The following GNG4 variants were observed in gnomAD, a reference collection of about 807,000 sequenced individuals.
The protein encoded by GNG4 is G protein subunit gamma 4.
In GNG4, 4 loss-of-function variants were observed where a neutral mutation model predicts 5.8. The observed-to-expected ratio is 0.69, with a 90% CI of 0.34 to 1.57. The LOEUF is 1.57. Ranked by LOEUF, GNG4 falls within the 40% of genes most tolerant of loss-of-function variation. GNG4 has a pLI of 0.06. For synonymous variants in GNG4, 29 were observed against 32.9 expected (o/e 0.88, Z 0.41); for missense variants, 96 against 95.1 (o/e 1.01, Z -0.04).
intron 3 of GNG4, among the ~76,000 whole-genome samples, chr1:235,569,238 G>C (rs1687275503): frequency 6.6e-6 from 1 of 152,156 alleles, no homozygotes. Context: ...GGCTGGGTGT[G>C]GGGGCTCACG....
chr1:235,564,844 C>A (rs1452313206), intron 3 of GNG4, among the ~76,000 whole-genome samples: 1 of 152,164 alleles, frequency 6.6e-6, no homozygotes, highest in African/African-American at 2.4e-5. Context: ...TGCCTCCACG[C>A]CCGGCTTATT....
At chr1:235,572,356 C>T (rs1446924085) in intron 3 of GNG4, among the ~76,000 whole-genome samples, 5 of 152,196 alleles carry the variant, frequency 3.3e-5, no homozygotes, top group Middle Eastern at 3.4e-3. Context: ...CTCGCTACCA[C>T]GCCTGGCTAA....
chr1:235,606,381 T>TA (rs1412589851), intron 1 of GNG4, among the ~76,000 whole-genome samples: 11 of 151,386 alleles, frequency 7.3e-5, no homozygotes, highest in African/African-American at 1.7e-4. Context: ...GACTCCGTCT[T>TA]AAAAAAAAGA....
At position 235,628,993 on chromosome 1, in the gene GNG4, A is replaced by ATTTTT. The variant is rs1054950474; in HGVS notation, c.-123+20664_-123+20668dup. Among the ~76,000 whole-genome samples the ATTTTT allele has an allele frequency of 5.1e-3, 608 of 118,266 alleles. 4 individuals carry two copies. The highest frequency in any genetic ancestry group is 0.018 in the African/African-American group (585 of 33,080). 77.6% of individuals were successfully genotyped at this position (118,266 alleles called of 152,430 possible). On this transcript the variant is annotated intron_variant, in intron 1 of 3. Coordinates refer to ENST00000391854, the MANE Select transcript of GNG4 (RefSeq NM_001098722.2). ...GCGATAAAGTCAAACATTTGCTTGA[A>ATTTTT]TTTTTTTTTTTTTTTTTTTGCTTTT...
intron 3 of GNG4, among the ~76,000 whole-genome samples, chr1:235,563,736 A>G (rs1203313990): frequency 6.6e-6 from 1 of 152,240 alleles, no homozygotes; most frequent in East Asian, 1.9e-4. Flanking sequence ...CACATGTGCC[A>G]GACTTTGGTG....
At chr1:235,585,640 T>C (rs1187794624) in intron 2 of GNG4, among the ~76,000 whole-genome samples, 1 of 152,218 alleles carries the variant, frequency 6.6e-6, no homozygotes, top group Non-Finnish European at 1.5e-5. Context: ...AACTACATAC[T>C]ACAGTACTCC....
chr1:235,584,022 G>A (rs1489475600), intron 2 of GNG4, among the ~76,000 whole-genome samples, 174 bp from the exon 3 acceptor site: 1 of 152,214 alleles, frequency 6.6e-6, no homozygotes, highest in Non-Finnish European at 1.5e-5. Flanking sequence ...ATTCGAGTAA[G>A]AGGAGCAAGA....
intron 1 of GNG4, among the ~76,000 whole-genome samples, chr1:235,599,316 GTTTGTT>G (rs1489074866): frequency 8.5e-6 from 1 of 117,474 alleles, no homozygotes; most frequent in African/African-American, 3.8e-5. Flanking sequence ...TTGTTTTTTG[GTTTGTT>G]TTTTTTTTTT....
At position 235,649,718 on chromosome 1, in the gene GNG4, C is replaced by G. The variant is rs1657613822; in HGVS notation, c.-179G>C. The G allele has an allele frequency of 6.6e-6, 1 of 151,722 alleles. No individual in the cohort carries two copies. Among genetic ancestry groups the G allele is most frequent in the Admixed American group, 6.6e-5 (1 of 15,238 alleles). The allele number at this position is 151,722 out of a possible 1,614,324, so 9.4% of individuals were successfully genotyped here. ...CAGCGCGGTGCTCGCGGGGGGCGGC[C>G]AGGCCGAGCGGCATCGCTCCGCATC... On this transcript the variant is annotated 5_prime_UTR_variant, in exon 1 of 4. Transcript: ENST00000391854. The surrounding 1 kb of genome is among the most constrained non-coding windows in gnomAD (Gnocchi z 5.7).
chr1:235,645,871 C>T (rs1023176900), intron 1 of GNG4, among the ~76,000 whole-genome samples: 4 of 151,798 alleles, frequency 2.6e-5, no homozygotes, highest in Non-Finnish European at 5.9e-5. Context: ...TATTTTATCG[C>T]CCTGCCTCTC....
In GNG4 at chr1:235,644,569, A is replaced by C. The variant is rs1454831538; in HGVS notation, c.-123+5093T>G. ...GCAGTCCCCTAGTACCCTGCCATGC[A>C]GCCCCACAGCTGCCGGGGGGATAAA... On this transcript the variant is annotated intron_variant, in intron 1 of 3. Coordinates refer to ENST00000391854, the MANE Select transcript of GNG4 (RefSeq NM_001098722.2). This position sits in a 1 kb window ranked among gnomAD's most constrained non-coding sequence, Gnocchi z 5.9. 6.6e-6 allele frequency among the ~76,000 whole-genome samples: 1 copy of C among 152,194 alleles called. No individual in the cohort carries two copies. Among genetic ancestry groups the C allele is most frequent in the Admixed American group, 6.5e-5 (1 of 15,282 alleles).
chr1:235,582,024 G>T (rs538232318), intron 3 of GNG4, among the ~76,000 whole-genome samples: 16 of 152,286 alleles, frequency 1.1e-4, no homozygotes, highest in African/African-American at 3.8e-4. Context: ...TGGCCATGGG[G>T]CTTGACAGCT....
intron 1 of GNG4, among the ~76,000 whole-genome samples, chr1:235,638,687 G>A (rs1329011591): frequency 6.6e-6 from 1 of 152,106 alleles, no homozygotes; most frequent in African/African-American, 2.4e-5. Flanking sequence ...CTCGGTGTGT[G>A]ATGTTCCCCT....
At position 235,648,868 on chromosome 1, in the gene GNG4, G is replaced by A. The variant is rs956078468; in HGVS notation, c.-123+794C>T. ...TACTTGATCAAACTTTAACATTTTC[G>A]GGTTTCCTAACACCTTAGCCCCAAA... On this transcript the variant is annotated intron_variant, in intron 1 of 3. Transcript: ENST00000391854. This position sits in a 1 kb window ranked among gnomAD's most constrained non-coding sequence, Gnocchi z 5.0. Among the ~76,000 whole-genome samples, 1 of 152,120 alleles carries A rather than the reference G, an allele frequency of 6.6e-6. No homozygotes were observed. Among genetic ancestry groups the A allele is most frequent in the African/African-American group, 2.4e-5 (1 of 41,414 alleles).
Position 235,572,154 on chromosome 1 carries a change from A to G in GNG4, c.99+11586T>C, listed in dbSNP as rs574051331. Among the ~76,000 whole-genome samples the G allele has an allele frequency of 3.4e-3, 500 of 148,688 alleles. 4 individuals are homozygous for G. The highest frequency in any genetic ancestry group is 0.011 in the African/African-American group (422 of 39,668). ...GAATACTGTAGGCAACTGTCACACA[A>G]TGGTAAGTATCTGTGTATCTAAACA... On this transcript the variant is annotated intron_variant, in intron 3 of 3. Transcript: ENST00000391854.
At chr1:235,572,884 T>C (rs1553365683) in intron 3 of GNG4, among the ~76,000 whole-genome samples, 2 of 152,190 alleles carry the variant, frequency 1.3e-5, no homozygotes, top group Non-Finnish European at 2.9e-5. Context: ...ATGTAGTGCC[T>C]GACAGTATAT....
chr1:235,602,203 C>T lies in GNG4; in HGVS notation c.-122-6692G>A, dbSNP rs184278496. On this transcript the variant is annotated intron_variant, in intron 1 of 3. Coordinates refer to ENST00000391854, the MANE Select transcript of GNG4 (RefSeq NM_001098722.2). ...AGGAGAATCACTTGAACCCAGGAGGCGGAGGTTGCAGTGAGCTGAGATCGC... is the reference window on the plus strand; with the variant it reads ...AGGAGAATCACTTGAACCCAGGAGGTGGAGGTTGCAGTGAGCTGAGATCGC... 7.9e-3 allele frequency among the ~76,000 whole-genome samples: 1,197 copies of T among 152,154 alleles called. 10 individuals carry two copies. The highest frequency in any genetic ancestry group is 0.016 in the Admixed American group (237 of 15,270).
intron 1 of GNG4, among the ~76,000 whole-genome samples, chr1:235,599,299 TC>T (rs1441367113): frequency 1.4e-5 from 2 of 147,610 alleles, no homozygotes; most frequent in Non-Finnish European, 3.0e-5. Flanking sequence ...TTTTTTGTTG[TC>T]GTTGTTTGTT....
At chr1:235,594,103 A>C (rs1010055915) in intron 2 of GNG4, among the ~76,000 whole-genome samples, 1 of 152,188 alleles carries the variant, frequency 6.6e-6, no homozygotes, top group Non-Finnish European at 1.5e-5. Context: ...TGAGCTAGAC[A>C]CAAAAGTTCT....
Sources: gnomAD v4.1 joint callset for allele counts (sites outside exome capture counted in the v4.1 genomes callset) on GRCh38, gnomAD v4.1.1 for gene constraint, Gnocchi (gnomAD v3.1) non-coding constraint, MANE v1.5 for transcripts, NCBI Gene and HGNC (gene_info 2026-07-23, HGNC 2026-07-21) for gene names.